GSK3B: variants seen among roughly 807,000 people sequenced by gnomAD.
The protein encoded by GSK3B is glycogen synthase kinase 3 beta.
A neutral mutation model predicts 56.4 loss-of-function variants in GSK3B; 15 were observed. That is an observed-to-expected ratio of 0.27 (90% CI 0.18 to 0.41). The LOEUF (loss-of-function observed/expected upper bound fraction) is 0.41, where lower values mean the gene tolerates loss of function less well. GSK3B is among the 10% of genes least tolerant of loss of function. GSK3B has a pLI of 1.00. For missense variants in GSK3B, 300 were observed against 513.4 expected (o/e 0.58, Z 4.02); for synonymous variants, 181 against 188.9 (o/e 0.96, Z 0.34).
chr3:119,890,412 A>C (rs898595513), intron 7 of GSK3B, among the ~76,000 whole-genome samples: 1 of 152,128 alleles, frequency 6.6e-6, no homozygotes, highest in Non-Finnish European at 1.5e-5. Flanking sequence ...CGTTTATGAA[A>C]TTCTAGAATA....
At chr3:119,941,014 A>ATT (rs201037934) in intron 3 of GSK3B, among the ~76,000 whole-genome samples, 27 of 138,874 alleles carry the variant, frequency 1.9e-4, no homozygotes, top group African/African-American at 4.1e-4. Flanking sequence ...ATTACTACTA[A>ATT]TTTTTTTTTT....
intron 9 of GSK3B, among the ~76,000 whole-genome samples, chr3:119,860,709 A>T (rs1020670001): frequency 6.6e-6 from 1 of 152,254 alleles, no homozygotes; most frequent in Non-Finnish European, 1.5e-5. Context: ...TACTTTACTA[A>T]TTAAAACAAC....
At chr3:119,997,740 A>G (rs2057633816) in intron 2 of GSK3B, among the ~76,000 whole-genome samples, 1 of 152,228 alleles carries the variant, frequency 6.6e-6, no homozygotes, top group Non-Finnish European at 1.5e-5. Context: ...CATAAGCCAA[A>G]ATGGACAAAT....
chr3:119,899,782 AG>A (rs1457389394), intron 7 of GSK3B, among the ~76,000 whole-genome samples: 3 of 152,166 alleles, frequency 2.0e-5, no homozygotes, highest in Non-Finnish European at 4.4e-5. Context: ...ATCACATAGT[AG>A]TAAAAAGCAA....
At chr3:120,070,775 G>C (rs1366190473) in intron 1 of GSK3B, among the ~76,000 whole-genome samples, 4 of 152,158 alleles carry the variant, frequency 2.6e-5, no homozygotes, top group South Asian at 4.1e-4. Context: ...CCAAATTGCT[G>C]TTCCTAAGGA....
In GSK3B at chr3:120,093,110, T is replaced by C. The variant is rs558843534; in HGVS notation, c.88+237A>G. On this transcript the variant is annotated intron_variant, in intron 1 of 10. Transcript: ENST00000264235. ...AGCAAGAAAAGTACAAGAAAGCAGT[T>C]TGAAATCGAATCATCCAAATAAATA... Among the ~76,000 whole-genome samples the C allele has an allele frequency of 1.2e-4, 18 of 152,290 alleles. No individual in the cohort carries two copies. In the East Asian group the frequency reaches 1.5e-3, roughly 13 times the overall value.
At chr3:119,908,415 T>G (rs756330159) in intron 6 of GSK3B, among the ~76,000 whole-genome samples, 1 of 152,154 alleles carries the variant, frequency 6.6e-6, no homozygotes, top group Non-Finnish European at 1.5e-5. Flanking sequence ...GAGAGTCAAG[T>G]CTAAAAATGC....
At chr3:120,029,917 C>A in intron 1 of GSK3B, 1 of 544,750 alleles carries the variant, frequency 1.8e-6, no homozygotes, top group African/African-American at 1.9e-5. Context: ...TGCCTGAGAG[C>A]CACAGGAACA....
intron 10 of GSK3B, among the ~76,000 whole-genome samples, chr3:119,830,803 A>C (rs890619610): frequency 5.3e-5 from 8 of 152,224 alleles, no homozygotes; most frequent in South Asian, 2.1e-4. Context: ...TATTTAATCT[A>C]TCTCTCATTT....
Position 120,059,544 on chromosome 3 carries a change from T to C in GSK3B, c.88+33803A>G, listed in dbSNP as rs1335049797. Among the ~76,000 whole-genome samples the C allele has an allele frequency of 3.9e-5, 6 of 152,218 alleles. No homozygotes were observed. The South Asian group carries it at 1.0e-3, about 26-fold the overall frequency. ...TACAGCAAGTTTCATCCAATTCACT[T>C]TTTTACAACTTCCGAATTCCAAAGG... is the stretch of plus-strand genomic sequence containing the variant. On this transcript the variant is annotated intron_variant, in intron 1 of 10. Coordinates refer to ENST00000264235, the MANE Select transcript of GSK3B (RefSeq NM_001146156.2).
chr3:120,085,809 A>G (rs892265847), intron 1 of GSK3B, among the ~76,000 whole-genome samples: 17 of 146,386 alleles, frequency 1.2e-4, no homozygotes, highest in South Asian at 2.1e-4. Flanking sequence ...CCGTCTTGAG[A>G]AAAAAAAAAA....
intron 1 of GSK3B, chr3:120,029,892 G>T (rs2107520268): frequency 3.6e-6 from 2 of 548,208 alleles, no homozygotes; most frequent in Admixed American, 1.9e-5. Context: ...CAGTACTGGT[G>T]TATCTGGTCC....
intron 1 of GSK3B, among the ~76,000 whole-genome samples, chr3:120,020,065 TAGG>T (rs776636347): frequency 2.6e-5 from 4 of 152,202 alleles, no homozygotes; most frequent in Non-Finnish European, 5.9e-5. Flanking sequence ...TATAACAAAA[TAGG>T]AGGAGGAGAT....
intron 4 of GSK3B, 59 bp downstream of exon 4, chr3:119,923,314 C>G: frequency 1.2e-6 from 1 of 804,416 alleles, no homozygotes; most frequent in East Asian, 2.6e-5. Context: ...ATAAAAGAGG[C>G]TCTCCTTGGT....
intron 10 of GSK3B, among the ~76,000 whole-genome samples, chr3:119,835,088 C>G (rs1455056577): frequency 6.6e-6 from 1 of 152,190 alleles, no homozygotes; most frequent in East Asian, 1.9e-4. Flanking sequence ...GGATGCAACA[C>G]TGTACCTAAA....
intron 1 of GSK3B, among the ~76,000 whole-genome samples, chr3:120,087,878 C>A (rs190182674): frequency 1.3e-5 from 2 of 151,956 alleles, no homozygotes; most frequent in Admixed American, 1.3e-4. Context: ...GAACCCAAAT[C>A]GACTAAATTG....
At chr3:119,983,259 T>C (rs866838753) in intron 2 of GSK3B, among the ~76,000 whole-genome samples, 14 of 152,068 alleles carry the variant, frequency 9.2e-5, no homozygotes, top group African/African-American at 3.4e-4. Context: ...ACATGCCAAA[T>C]TGTAAAGACC....
chr3:120,055,179 GA>G (rs1166471699), intron 1 of GSK3B, among the ~76,000 whole-genome samples: 12 of 150,792 alleles, frequency 8.0e-5, no homozygotes. Context: ...TGCAAAGTTA[GA>G]AAAAAAAATG....
chr3:120,055,822 A>C (rs2058187447), intron 1 of GSK3B, among the ~76,000 whole-genome samples: 2 of 152,164 alleles, frequency 1.3e-5, no homozygotes, highest in Non-Finnish European at 2.9e-5. Context: ...GAGAGGGGAG[A>C]AATTAGAAAA....
Sources: gnomAD v4.1 joint callset for allele counts (sites outside exome capture counted in the v4.1 genomes callset) on GRCh38, gnomAD v4.1.1 for gene constraint, MANE v1.5 for transcripts, NCBI Gene and HGNC (gene_info 2026-07-23, HGNC 2026-07-21) for gene names.